Variants in ZCCHC7 observed in about 807,000 individuals in gnomAD.
ZCCHC7 encodes the protein zinc finger CCHC domain-containing protein 7.
Under a neutral mutation model 52.0 loss-of-function variants are expected in ZCCHC7, and 35 were observed. That is an observed-to-expected ratio of 0.67 (90% CI 0.51 to 0.89). The LOEUF (loss-of-function observed/expected upper bound fraction) is 0.89, where lower values mean the gene tolerates loss of function less well. ZCCHC7 is among the 40% of genes least tolerant of loss of function. The pLI is 0.00. For missense variants in ZCCHC7, 574 were observed against 649.1 expected, an observed-to-expected ratio of 0.88 and a Z score of 1.26; for synonymous variants, 217 against 221.5, an observed-to-expected ratio of 0.98 and a Z score of 0.18.
chr9:37,342,394 T>G (rs991703379), intron 6 of ZCCHC7, among the ~76,000 whole-genome samples: 4 of 152,210 alleles, frequency 2.6e-5, no homozygotes, highest in African/African-American at 9.7e-5. Flanking sequence ...CTAGTAGAGA[T>G]ACGTGAGTGT....
chr9:37,202,636 A>C (rs1823694724), intron 2 of ZCCHC7, among the ~76,000 whole-genome samples: 1 of 152,194 alleles, frequency 6.6e-6, no homozygotes, highest in South Asian at 2.1e-4. Flanking sequence ...GTGAGCCACC[A>C]TGCCCAGCTA....
In ZCCHC7 at chr9:37,356,910, A is replaced by G. The variant is rs1821735842; in HGVS notation, c.1274A>G (p.His425Arg). The G allele has an allele frequency of 6.2e-7, 1 of 1,613,606 alleles. No individual in the cohort carries two copies. The highest frequency in any genetic ancestry group is 1.7e-5 in the Admixed American group (1 of 59,920). Residue 425 changes from histidine (H) to arginine (R), a missense_variant, in exon 9 of 9, where the codon CAT becomes CGT. Physicochemically the swap from His to Arg is conservative, Grantham distance 29. This residue lies in a region of ZCCHC7 where 168 missense variants were observed against 171.6 expected (regional missense o/e 0.98). Coordinates refer to ENST00000336755, the MANE Select transcript of ZCCHC7 (RefSeq NM_032226.3). The stretch of plus-strand genomic sequence containing the variant: ...AAAGCAGCAAATGAGAACCCCCACC[A>G]TGATATAAGGAAGGGCCGTGCCTCA... ...YIKAANENPH[H>R]DIRKGRASWK...
chr9:37,260,352 T>G (rs563995832), intron 2 of ZCCHC7, among the ~76,000 whole-genome samples: 1 of 152,326 alleles, frequency 6.6e-6, no homozygotes, highest in East Asian at 1.9e-4. Context: ...GGTATTCACA[T>G]TTGGGCCCAG....
intron 2 of ZCCHC7, among the ~76,000 whole-genome samples, chr9:37,226,616 G>A (rs1213401610): frequency 6.6e-6 from 1 of 152,032 alleles, no homozygotes; most frequent in Non-Finnish European, 1.5e-5. Flanking sequence ...AATTGGTGCT[G>A]GACCAGTCTA....
At chr9:37,198,595 A>G (rs1823412525) in intron 2 of ZCCHC7, among the ~76,000 whole-genome samples, 1 of 152,234 alleles carries the variant, frequency 6.6e-6, no homozygotes, top group Admixed American at 6.5e-5. Context: ...TTAAGATAAT[A>G]CAAAGTGGAA....
chr9:37,221,700 A>G (rs757171779), intron 2 of ZCCHC7, among the ~76,000 whole-genome samples: 1 of 152,220 alleles, frequency 6.6e-6, no homozygotes, highest in African/African-American at 2.4e-5. Context: ...AGTAAACTCA[A>G]GAAAAAGTCA....
intron 2 of ZCCHC7, among the ~76,000 whole-genome samples, chr9:37,283,602 A>G (rs950905009): frequency 1.3e-5 from 2 of 152,096 alleles, no homozygotes; most frequent in South Asian, 4.2e-4. Flanking sequence ...TTATTTGAAA[A>G]TATTTCTAAG....
chr9:37,183,799 A>T (rs1413188026), intron 2 of ZCCHC7, among the ~76,000 whole-genome samples: 8 of 152,350 alleles, frequency 5.3e-5, no homozygotes, highest in Non-Finnish European at 1.0e-4. Context: ...GTGTAAAGAG[A>T]TAAAGTAATA....
At chr9:37,144,578 A>G (rs1341960585) in intron 2 of ZCCHC7, among the ~76,000 whole-genome samples, 1 of 151,854 alleles carries the variant, frequency 6.6e-6, no homozygotes, top group African/African-American at 2.4e-5. Flanking sequence ...ACTTTGTCTC[A>G]ATTTCAGTCT....
intron 2 of ZCCHC7, among the ~76,000 whole-genome samples, chr9:37,144,094 A>G (rs1029015282): frequency 4.0e-5 from 6 of 151,870 alleles, no homozygotes; most frequent in Admixed American, 3.9e-4. Context: ...GAAAGAACTT[A>G]AGGGAAATAC....
At chr9:37,195,073 A>G (rs1303017799) in intron 2 of ZCCHC7, among the ~76,000 whole-genome samples, 4 of 149,594 alleles carry the variant, frequency 2.7e-5, no homozygotes, top group Non-Finnish European at 5.9e-5. Context: ...CAGCCTCCCT[A>G]GTAGCTAGGA....
chr9:37,269,132 T>C (rs1827262653), intron 2 of ZCCHC7, among the ~76,000 whole-genome samples: 1 of 152,216 alleles, frequency 6.6e-6, no homozygotes, highest in South Asian at 2.1e-4. Flanking sequence ...TAGGCCATTG[T>C]GGCTTGAAAG....
intron 2 of ZCCHC7, among the ~76,000 whole-genome samples, chr9:37,207,065 A>G (rs1407731682): frequency 1.3e-5 from 2 of 152,072 alleles, no homozygotes; most frequent in Non-Finnish European, 2.9e-5. Context: ...GTTTGAGGCT[A>G]CAGTGAGCTA....
At chr9:37,243,515 A>G (rs1242411254) in intron 2 of ZCCHC7, among the ~76,000 whole-genome samples, 1 of 151,832 alleles carries the variant, frequency 6.6e-6, no homozygotes, top group Non-Finnish European at 1.5e-5. Flanking sequence ...TCAAACTACC[A>G]TTTTGTAATT....
At chr9:37,280,746 GTC>G (rs60251308) in intron 2 of ZCCHC7, among the ~76,000 whole-genome samples, 3 of 151,184 alleles carry the variant, frequency 2.0e-5, no homozygotes, top group Non-Finnish European at 3.0e-5. Context: ...TTTTCTCTCT[GTC>G]TCTCTCTCTC....
chr9:37,295,318 CAAGTAAAGGCCAAATCATGA>C (rs924125368), intron 2 of ZCCHC7, among the ~76,000 whole-genome samples: 10 of 152,164 alleles, frequency 6.6e-5, no homozygotes, highest in African/African-American at 1.7e-4. Context: ...GCAAGAGAAA[CAAGTAAAGGCCAAATCATGA>C]AAGTAAAGGC....
chr9:37,283,852 A>G (rs1174990261), intron 2 of ZCCHC7, among the ~76,000 whole-genome samples: 1 of 152,176 alleles, frequency 6.6e-6, no homozygotes, highest in Non-Finnish European at 1.5e-5. Context: ...ATTGGGAATG[A>G]AACATTCCAC....
chr9:37,260,840 G>A (rs557225102), intron 2 of ZCCHC7, among the ~76,000 whole-genome samples: 5 of 152,306 alleles, frequency 3.3e-5, no homozygotes, highest in Admixed American at 6.5e-5. Context: ...TCTGACTGGG[G>A]TTCTAAGAGG....
chr9:37,349,229 A>G (rs1012193107), intron 6 of ZCCHC7, 128 bp from the exon 7 acceptor site: 67 of 776,852 alleles, frequency 8.6e-5, no homozygotes, highest in Admixed American at 2.4e-4. Context: ...AATCGCCTGA[A>G]TACAGGTCTC....
Sources: gnomAD v4.1 joint callset for allele counts (sites outside exome capture counted in the v4.1 genomes callset) on GRCh38, gnomAD v4.1.1 for gene constraint, gnomAD v4.1.1 regional missense constraint, MANE v1.5 for transcripts, NCBI Gene and HGNC (gene_info 2026-07-23, HGNC 2026-07-21) for gene names.